IFNAR1: variants seen among roughly 807,000 people sequenced by gnomAD.
The protein encoded by IFNAR1 is interferon alpha and beta receptor subunit 1.
A neutral mutation model predicts 62.1 loss-of-function variants in IFNAR1; 47 were observed. The observed-to-expected ratio is 0.76, with a 90% confidence interval of 0.60 to 0.97. IFNAR1 has a LOEUF of 0.97. IFNAR1 is among the 50% of genes least tolerant of loss of function. The pLI, the probability that IFNAR1 is intolerant of heterozygous loss-of-function variation, is 0.00. For missense variants in IFNAR1, 638 were observed against 654.5 expected (o/e 0.97, Z 0.27); for synonymous variants, 219 against 226.9 (o/e 0.97, Z 0.31).
At position 33,344,765 on chromosome 21, in the gene IFNAR1, CTTATTTATTTAT is replaced by C. The variant is rs11421099; in HGVS notation, c.674-454_674-443del. On this transcript the variant is annotated intron_variant, in intron 5 of 10. Coordinates refer to ENST00000270139, the MANE Select transcript of IFNAR1 (RefSeq NM_000629.3). Reference sequence around the variant, plus strand: ...CATCTATTGCATTCTTTCTTTTTTACTTATTTATTTATTTATTTATTTATTTATTTATTTATT... The same window carrying C: ...CATCTATTGCATTCTTTCTTTTTTACTTATTTATTTATTTATTTATTTATT... 1.2e-4 allele frequency among the ~76,000 whole-genome samples: 15 copies of C among 122,112 alleles called. No individual in the cohort carries two copies. The East Asian group carries it at 2.0e-3, about 16-fold the overall frequency. The allele number at this position is 122,112 out of a possible 152,430, so 80.1% of individuals were successfully genotyped here.
In IFNAR1 at chr21:33,349,218, C is replaced by T. The variant is rs201281365; in HGVS notation, c.916C>T (p.Arg306Cys). 3.8e-4 allele frequency: 616 copies of T among 1,613,134 alleles called. No homozygotes were observed. The highest frequency in any genetic ancestry group is 1.6e-3 in the Middle Eastern group (10 of 6,078). ...TTTCCAAAAAGGAATTTACCTTCTC[C>T]GCGTACAAGCATCTGATGGAAATAA... ...NVFQKGIYLL[R>C]VQASDGNNTS... is the part of the protein sequence containing the mutation. The change falls in exon 7 of 11, where the codon CGC becomes TGC. Residue 306 changes from arginine (R) to cysteine (C), a missense_variant. Transcript: ENST00000270139.
intron 1 of IFNAR1, among the ~76,000 whole-genome samples, chr21:33,328,094 G>C (rs2083143332): frequency 6.6e-6 from 1 of 151,976 alleles, no homozygotes; most frequent in Admixed American, 6.6e-5. Context: ...AAACATGAGG[G>C]GTTTTTGTTT....
intron 1 of IFNAR1, among the ~76,000 whole-genome samples, chr21:33,326,466 G>C (rs543988477): frequency 6.6e-6 from 1 of 152,268 alleles, no homozygotes; most frequent in Admixed American, 6.5e-5. Context: ...CTCCCAAAGT[G>C]CTGGGATTAC....
chr21:33,353,550 C>T (rs1316756718), intron 9 of IFNAR1, 88 bp from the exon 10 acceptor site: 1 of 690,340 alleles, frequency 1.4e-6, no homozygotes, highest in Non-Finnish European at 2.4e-6. Context: ...TATTTCCTTT[C>T]ATATGGCTAG....
chr21:33,325,126 C>A lies in IFNAR1; in HGVS notation c.71C>A (p.Ala24Asp). Residue 24 changes from alanine (A) to aspartate (D), a missense_variant, in exon 1 of 11, where the codon GCC (alanine) becomes GAC (aspartate). Coordinates refer to ENST00000270139, the MANE Select transcript of IFNAR1 (RefSeq NM_000629.3). ...GTGGCGCCATGGGTGTTGTCCGCAG[C>A]CGCAGGTGAGAGGCGGGGAGGAGAG... ...VAVAPWVLSA[A>D]AGGKNLKSPQ... 6.2e-7 allele frequency: 1 copy of A among 1,611,026 alleles called. No homozygotes were observed. Among genetic ancestry groups the A allele is most frequent in the Admixed American group, 1.7e-5 (1 of 59,804 alleles).
intron 2 of IFNAR1, among the ~76,000 whole-genome samples, chr21:33,339,876 C>T (rs1344900076): frequency 1.4e-5 from 2 of 144,990 alleles, no homozygotes; most frequent in African/African-American, 2.6e-5. Context: ...TGCAGTGGGC[C>T]GAGATTGCAC....
Position 33,356,656 on chromosome 21 carries a change from G to T in IFNAR1, c.*1107G>T, listed in dbSNP as rs1490028097. The T allele has an allele frequency of 6.6e-6, 1 of 152,232 alleles. No homozygotes were observed. The highest frequency in any genetic ancestry group is 1.5e-5 in the Non-Finnish European group (1 of 68,046). 9.4% of individuals were successfully genotyped at this position (152,232 alleles called of 1,614,324 possible). On this transcript the variant is annotated 3_prime_UTR_variant, in exon 11 of 11. Coordinates refer to ENST00000270139, the MANE Select transcript of IFNAR1 (RefSeq NM_000629.3). ...TAACTATCTAATTAGAGAAATAATT[G>T]TTGTATTTTAAGATCTGAGAGTGTG...
In IFNAR1 at chr21:33,353,634, T is replaced by A. The variant is rs775841770; in HGVS notation, c.1295-4T>A. The A allele has an allele frequency of 6.6e-7, 1 of 1,520,598 alleles. No homozygotes were observed. The highest frequency in any genetic ancestry group is 8.9e-7 in the Non-Finnish European group (1 of 1,118,900). The allele number at this position is 1,520,598 out of a possible 1,614,324, so 94.2% of individuals were successfully genotyped here. A position where few individuals can be genotyped will look rare whatever the true frequency, so the allele number is the denominator to read the frequency against. On this transcript the variant is annotated splice_region_variant and splice_polypyrimidine_tract_variant and intron_variant, in intron 9 of 10. Coordinates refer to ENST00000270139, the MANE Select transcript of IFNAR1 (RefSeq NM_000629.3). Reference sequence around the variant, plus strand: ...TATGCTAAATATCACGTATATCTTTTTAGGAAATACCTCTAAAATTTGGCT... The same window carrying A: ...TATGCTAAATATCACGTATATCTTTATAGGAAATACCTCTAAAATTTGGCT...
intron 10 of IFNAR1, among the ~76,000 whole-genome samples, chr21:33,355,024 G>A (rs1041868): frequency 0.2 from 29,974 of 150,746 alleles, 3,217 homozygotes; most frequent in East Asian, 0.39. Flanking sequence ...GAGTCCGCCC[G>A]CTCCTGTCCT....
Position 33,355,456 on chromosome 21 carries a change from C to T in IFNAR1, c.1581C>T (p.Tyr527=), listed in dbSNP as rs757467848. 5 of 1,605,638 alleles carry T rather than the reference C, an allele frequency of 3.1e-6. No homozygotes were observed. In the African/African-American group the frequency reaches 4.0e-5, roughly 13 times the overall value. Residue 527 remains tyrosine, a synonymous_variant, in exon 11 of 11, where the codon TAC becomes TAT. Transcript: ENST00000270139. ...AAACTGATGAAGATCATAAAAAATACAGTTCCCAAACTAGCCAAGATTCAG... is the reference window on the plus strand; with the variant it reads ...AAACTGATGAAGATCATAAAAAATATAGTTCCCAAACTAGCCAAGATTCAG... The part of the protein sequence containing the change: ...TNQTDEDHKK[Y]SSQTSQDSGN...
chr21:33,335,352 A>G (rs1354114481), intron 1 of IFNAR1, among the ~76,000 whole-genome samples, 172 bp from the exon 2 acceptor site: 1 of 152,222 alleles, frequency 6.6e-6, no homozygotes, highest in African/African-American at 2.4e-5. Flanking sequence ...CAGAAATGTA[A>G]TTATCAGCAT....
chr21:33,341,345 CT>C (rs1360084069), intron 3 of IFNAR1, among the ~76,000 whole-genome samples, 171 bp downstream of exon 3: 2 of 152,204 alleles, frequency 1.3e-5, no homozygotes, highest in African/African-American at 4.8e-5. Context: ...CCTACTTTCC[CT>C]GTAGTAGTGG....
chr21:33,353,592 AT>A (rs745436296), intron 9 of IFNAR1, 45 bp from the exon 10 acceptor site: 3 of 1,178,900 alleles, frequency 2.5e-6, no homozygotes, highest in African/African-American at 3.1e-5. Context: ...CTGTTAAGGC[AT>A]TTGTATGTCA....
At position 33,357,996 on chromosome 21, in the gene IFNAR1, C is replaced by T. The variant is rs17875889; in HGVS notation, c.*2447C>T. The T allele has an allele frequency of 0.022, 3,379 of 152,252 alleles. 70 individuals are homozygous for T. The highest frequency in any genetic ancestry group is 0.098 in the South Asian group (473 of 4,814). 9.4% of individuals were successfully genotyped at this position (152,252 alleles called of 1,614,324 possible). A position where few individuals can be genotyped will look rare whatever the true frequency, so the allele number is the denominator to read the frequency against. Reference sequence around the variant, plus strand: ...CACCACTGGGAAAACGTACTTCAGACTGGATAGCCTAAAAAGGAGCAATGC... The same window carrying T: ...CACCACTGGGAAAACGTACTTCAGATTGGATAGCCTAAAAAGGAGCAATGC... On this transcript the variant is annotated 3_prime_UTR_variant, in exon 11 of 11. Coordinates refer to ENST00000270139, the MANE Select transcript of IFNAR1 (RefSeq NM_000629.3).
At position 33,343,525 on chromosome 21, in the gene IFNAR1, T is replaced by C; in HGVS notation, c.532-10T>C. 6.5e-7 allele frequency: 1 copy of C among 1,528,334 alleles called. No individual in the cohort carries two copies. Among genetic ancestry groups the C allele is most frequent in the South Asian group, 1.1e-5 (1 of 87,136 alleles). The allele number at this position is 1,528,334 out of a possible 1,614,324, so 94.7% of individuals were successfully genotyped here. A position where few individuals can be genotyped will look rare whatever the true frequency, so the allele number is the denominator to read the frequency against. ...CTTTTTTAAAGAACCAACTTATATTTGTGTTATAGGAAAGGATTGAAAATA... is the reference window on the plus strand; with the variant it reads ...CTTTTTTAAAGAACCAACTTATATTCGTGTTATAGGAAAGGATTGAAAATA... On this transcript the variant is annotated splice_polypyrimidine_tract_variant and intron_variant, in intron 4 of 10. Coordinates refer to ENST00000270139, the MANE Select transcript of IFNAR1 (RefSeq NM_000629.3).
At chr21:33,350,899 T>G (rs1177459019) in intron 8 of IFNAR1, among the ~76,000 whole-genome samples, 1 of 152,220 alleles carries the variant, frequency 6.6e-6, no homozygotes, top group Non-Finnish European at 1.5e-5. Context: ...GCTTTACCTC[T>G]TGGAGACTTT....
At chr21:33,336,558 T>C (rs1013224291) in intron 2 of IFNAR1, among the ~76,000 whole-genome samples, 7 of 151,810 alleles carry the variant, frequency 4.6e-5, no homozygotes, top group Non-Finnish European at 1.0e-4. Context: ...AAAGTGTTCC[T>C]ATTTCTCCAC....
chr21:33,325,015 T>C lies in IFNAR1; in HGVS notation c.-41T>C, dbSNP rs765733210. ...GATGGCGGCTGAGAGGAGCTGCGCG[T>C]GCGCGAACATGTAACTGGTGGGATC... On this transcript the variant is annotated 5_prime_UTR_variant, in exon 1 of 11. Coordinates refer to ENST00000270139, the MANE Select transcript of IFNAR1 (RefSeq NM_000629.3). The C allele has an allele frequency of 1.3e-4, 207 of 1,549,294 alleles. 1 individual carries two copies. The highest frequency in any genetic ancestry group is 1.7e-4 in the Non-Finnish European group (199 of 1,141,880).
intron 1 of IFNAR1, among the ~76,000 whole-genome samples, chr21:33,329,074 TG>T (rs2083153679): frequency 6.6e-6 from 1 of 152,186 alleles, no homozygotes. Context: ...AGTTATTTGT[TG>T]GTCTTCCAAA....
Sources: gnomAD v4.1 joint callset for allele counts (sites outside exome capture counted in the v4.1 genomes callset) on GRCh38, gnomAD v4.1.1 for gene constraint, MANE v1.5 for transcripts, NCBI Gene and HGNC (gene_info 2026-07-23, HGNC 2026-07-21) for gene names.